ADRA1B: variants seen among roughly 807,000 people sequenced by gnomAD.
The protein encoded by ADRA1B is alpha-1B adrenergic receptor.
In ADRA1B, 17 loss-of-function variants were observed where a neutral mutation model predicts 17.9. The observed-to-expected ratio is 0.95, with a 90% CI of 0.65 to 1.42. The LOEUF is 1.42. ADRA1B is among the 40% of genes most tolerant of loss of function. The pLI is 0.00. For missense variants in ADRA1B, 681 were observed against 722.1 expected, an observed-to-expected ratio of 0.94 and a Z score of 0.65; for synonymous variants, 366 against 327.6, an observed-to-expected ratio of 1.12 and a Z score of -1.27.
intron 1 of ADRA1B, chr5:159,870,519 C>T (rs1038426341): frequency 6.6e-6 from 1 of 152,134 alleles, no homozygotes; most frequent in African/African-American, 2.4e-5. Context: ...ATATGTAGCC[C>T]CCAATGTCAA....
rs1754325500 is a variant in ADRA1B, at chr5:159,916,922, A to G, written c.17A>G (p.Asp6Gly). MNPDL[D>G]TGHNTSAPAH... ...GACTCTAAGATGAATCCCGACCTGG[A>G]CACCGGCCACAACACATCAGCACCT... is the stretch of plus-strand genomic sequence containing the variant. Residue 6 changes from aspartate (D) to glycine (G), a missense_variant, in exon 1 of 2, where the codon GAC (aspartate) becomes GGC (glycine). This residue lies in a region of ADRA1B where 424 missense variants were observed against 480.2 expected (regional missense o/e 0.88). Coordinates refer to ENST00000306675, the MANE Select transcript of ADRA1B (RefSeq NM_000679.4). 6.2e-7 allele frequency: 1 copy of G among 1,612,404 alleles called. No homozygotes were observed. The highest frequency in any genetic ancestry group is 8.5e-7 in the Non-Finnish European group (1 of 1,179,112).
At chr5:159,982,962 G>A in the ADRA1B span, among the ~76,000 whole-genome samples, 51 of 152,296 alleles carry the variant, frequency 3.3e-4, no homozygotes, top group South Asian at 1.0e-3. Context: ...CTGAACGTGC[G>A]TGCACACACA....
chr5:159,869,731 C>T (rs979120954), intron 1 of ADRA1B: 1 of 152,200 alleles, frequency 6.6e-6, no homozygotes, highest in South Asian at 2.1e-4. Context: ...GCTGTGATAC[C>T]TTGAACCAGT....
At chr5:159,888,210 C>G (rs1267280060) in intron 1 of ADRA1B, 1 of 152,020 alleles carries the variant, frequency 6.6e-6, no homozygotes, top group African/African-American at 2.4e-5. Flanking sequence ...TATTCATGAC[C>G]GTCACTGTAA....
chr5:159,867,985 T>C (rs953781192), intron 1 of ADRA1B: 3 of 152,204 alleles, frequency 2.0e-5, no homozygotes, highest in African/African-American at 7.2e-5. Flanking sequence ...AGTAAAATTC[T>C]AGGGACTGAG....
At chr5:159,968,789 C>T (rs1023557452) in intron 1 of ADRA1B, among the ~76,000 whole-genome samples, 5 of 152,110 alleles carry the variant, frequency 3.3e-5, no homozygotes, top group Admixed American at 1.3e-4. Flanking sequence ...TATGTTGCCC[C>T]GGCTGGTCTC....
intron 1 of ADRA1B, among the ~76,000 whole-genome samples, chr5:159,941,218 C>G (rs762857312): frequency 3.3e-5 from 5 of 152,164 alleles, no homozygotes; most frequent in Non-Finnish European, 4.4e-5. Flanking sequence ...AGTCACCTTG[C>G]AAGTGTTAAA....
At position 159,918,624 on chromosome 5, in the gene ADRA1B, C is replaced by T. The variant is rs1226011019; in HGVS notation, c.949+770C>T. Among the ~76,000 whole-genome samples the T allele has an allele frequency of 2.6e-5, 4 of 152,320 alleles. No individual in the cohort carries two copies. The East Asian group carries it at 7.7e-4, about 29-fold the overall frequency. ...CATCTCAGCTGACAGAGACCAAATC[C>T]TGGTAAGATGGAATTCAGTGCGTCC... On this transcript the variant is annotated intron_variant, in intron 1 of 1. Coordinates refer to ENST00000306675, the MANE Select transcript of ADRA1B (RefSeq NM_000679.4).
intron 1 of ADRA1B, among the ~76,000 whole-genome samples, chr5:159,928,823 C>A (rs552011484): frequency 6.6e-6 from 1 of 152,116 alleles, no homozygotes; most frequent in Admixed American, 6.5e-5. Context: ...AGCACTGGGC[C>A]GGGCGGAGAT....
intron 1 of ADRA1B, chr5:159,948,134 T>C: frequency 1.0e-6 from 1 of 985,398 alleles, no homozygotes; most frequent in Non-Finnish European, 1.2e-6. Flanking sequence ...CCATACCAGT[T>C]CCCTGGAGTT....
chr5:159,973,016 CT>C (rs1401668389), downstream of ADRA1B, among the ~76,000 whole-genome samples: 1 of 152,248 alleles, frequency 6.6e-6, no homozygotes, highest in Non-Finnish European at 1.5e-5. Context: ...TCCTGTTCGG[CT>C]TTGAGTGGTT....
At chr5:159,881,308 T>TCTCTCG in intron 1 of ADRA1B, among the ~76,000 whole-genome samples, 1 of 124,824 alleles carries the variant, frequency 8.0e-6, no homozygotes, top group Middle Eastern at 4.6e-3. Flanking sequence ...GTTCTCTCTC[T>TCTCTCG]CTCTCTCTCT....
intron 1 of ADRA1B, among the ~76,000 whole-genome samples, chr5:159,920,220 C>T (rs1156267185): frequency 4.6e-5 from 7 of 152,110 alleles, no homozygotes; most frequent in African/African-American, 1.7e-4. Flanking sequence ...TCTCAGTTTC[C>T]TTCAGGCCCA....
At chr5:159,905,036 C>G (rs879656785) in intron 1 of ADRA1B, among the ~76,000 whole-genome samples, 14 of 152,182 alleles carry the variant, frequency 9.2e-5, no homozygotes, top group Non-Finnish European at 1.9e-4. Context: ...CACTATCCAG[C>G]GTTAGCAGGA....
chr5:159,867,336 C>T (rs6556458), intron 1 of ADRA1B, among the ~76,000 whole-genome samples: 96,164 of 151,984 alleles, frequency 0.63, 31,383 homozygotes, highest in African/African-American at 0.8. Context: ...CTTTCTCTAT[C>T]TTCCATGAGA....
intron 1 of ADRA1B, among the ~76,000 whole-genome samples, chr5:159,944,668 T>A (rs147417185): frequency 6.6e-6 from 1 of 152,000 alleles, no homozygotes; most frequent in Non-Finnish European, 1.5e-5. Flanking sequence ...AAGTGCCTCA[T>A]ATATGTTACC....
At chr5:159,869,289 A>G (rs1753705870) in intron 1 of ADRA1B, 1 of 152,226 alleles carries the variant, frequency 6.6e-6, no homozygotes, top group African/African-American at 2.4e-5. Flanking sequence ...CAGGTATAGC[A>G]GTACACTATG....
At chr5:159,884,094 C>CA (rs1246256205) in intron 1 of ADRA1B, among the ~76,000 whole-genome samples, 2 of 151,918 alleles carry the variant, frequency 1.3e-5, no homozygotes, top group African/African-American at 4.8e-5. Context: ...TGGCCTAAAG[C>CA]CAAAAATAAA....
Position 159,972,066 on chromosome 5 carries a change from T to C in ADRA1B, c.1137T>C (p.Arg379=), listed in dbSNP as rs755149691. The change falls in exon 2 of 2, where the codon CGT becomes CGC. Residue 379 remains arginine, a synonymous_variant. Coordinates refer to ENST00000306675, the MANE Select transcript of ADRA1B (RefSeq NM_000679.4). ...GRGRRRRRRR[R]RLGGCAYTYR... ...GCCGCCGCCGACGCCGCCGCCGCCG[T>C]CGCCTGGGCGGCTGCGCCTACACCT... 2.1e-5 allele frequency: 27 copies of C among 1,298,890 alleles called. No homozygotes were observed. Among genetic ancestry groups the C allele is most frequent in the Admixed American group, 8.4e-5 (2 of 23,792 alleles). The allele number at this position is 1,298,890 out of a possible 1,614,324, so 80.5% of individuals were successfully genotyped here.
Sources: gnomAD v4.1 joint callset for allele counts (sites outside exome capture counted in the v4.1 genomes callset) on GRCh38, gnomAD v4.1.1 for gene constraint, gnomAD v4.1.1 regional missense constraint, MANE v1.5 for transcripts, NCBI Gene and HGNC (gene_info 2026-07-23, HGNC 2026-07-21) for gene names.